Variants in CDH4 observed in about 807,000 individuals in gnomAD.
CDH4 encodes the protein cadherin 4, also known as cadherin-4.
CDH4 carries 33 observed loss-of-function variants against 86.0 expected under a neutral mutation model. That is an observed-to-expected ratio of 0.38 (90% CI 0.29 to 0.51). The LOEUF (loss-of-function observed/expected upper bound fraction) is 0.51, where lower values mean the gene tolerates loss of function less well. Among genes scored for constraint, CDH4 ranks in the 20% least tolerant of loss-of-function variants. The probability of loss-of-function intolerance (pLI) is 0.86; values close to 1 mark genes in which losing one functional copy is unlikely to be tolerated. For synonymous variants in CDH4, 555 were observed against 549.4 expected (o/e 1.01, Z -0.14); for missense variants, 1,114 against 1,307.4 (o/e 0.85, Z 2.28).
chr20:61,788,327 C>A (rs900924023), intron 4 of CDH4, among the ~76,000 whole-genome samples: 1 of 152,072 alleles, frequency 6.6e-6, no homozygotes, highest in South Asian at 2.1e-4. Context: ...AAGAAACAGC[C>A]CTGAGGGGCT....
At position 61,652,943 on chromosome 20, in the gene CDH4, T is replaced by A. The variant is rs1365948309; in HGVS notation, c.170-90620T>A. Among the ~76,000 whole-genome samples, 85 of 121,272 alleles carry A rather than the reference T, an allele frequency of 7.0e-4. 1 individual carries two copies. Among genetic ancestry groups the A allele is most frequent in the South Asian group, 2.4e-3 (10 of 4,128 alleles). The allele number at this position is 121,272 out of a possible 152,430, so 79.6% of individuals were successfully genotyped here. A position where few individuals can be genotyped will look rare whatever the true frequency, so the allele number is the denominator to read the frequency against. The stretch of plus-strand genomic sequence containing the variant: ...ATTTATTTATTTATTTATTTATTTT[T>A]TTTTTTTTTTTTATTGATCATTCTT... On this transcript the variant is annotated intron_variant, in intron 2 of 15. Coordinates refer to ENST00000614565, the MANE Select transcript of CDH4 (RefSeq NM_001794.5).
At chr20:61,338,076 T>C (rs6101320) in intron 2 of CDH4, among the ~76,000 whole-genome samples, 87,259 of 151,908 alleles carry the variant, frequency 0.57, 25,128 homozygotes, top group Middle Eastern at 0.69. Context: ...AATCCAGTAA[T>C]AAGGAGAGAT....
chr20:61,685,512 C>G (rs917037843), intron 2 of CDH4, among the ~76,000 whole-genome samples: 1 of 152,256 alleles, frequency 6.6e-6, no homozygotes, highest in Non-Finnish European at 1.5e-5. Flanking sequence ...TCCCGTCTCT[C>G]CCCTCTGGAT....
At chr20:61,522,420 C>T (rs2085876509) in intron 2 of CDH4, among the ~76,000 whole-genome samples, 1 of 152,240 alleles carries the variant, frequency 6.6e-6, no homozygotes, top group South Asian at 2.1e-4. Flanking sequence ...GTGTGAGGTG[C>T]TGCGCCGTCC....
intron 2 of CDH4, among the ~76,000 whole-genome samples, chr20:61,580,312 A>T (rs1179696339): frequency 2.0e-5 from 3 of 152,012 alleles, no homozygotes; most frequent in Non-Finnish European, 4.4e-5. Flanking sequence ...AAAATTAGCC[A>T]GGCGTGGTGG....
chr20:61,918,327 C>T (rs2054928368), intron 9 of CDH4, among the ~76,000 whole-genome samples: 1 of 152,218 alleles, frequency 6.6e-6, no homozygotes. Flanking sequence ...GTGACAGCTG[C>T]AGGTGTGAGG....
intron 2 of CDH4, among the ~76,000 whole-genome samples, chr20:61,425,661 G>A (rs979666444): frequency 6.6e-6 from 1 of 152,214 alleles, no homozygotes; most frequent in African/African-American, 2.4e-5. Context: ...GCGCAGCCTG[G>A]ACAGGACATT....
At chr20:61,732,871 T>G (rs13038272) in intron 2 of CDH4, among the ~76,000 whole-genome samples, 60,040 of 151,796 alleles carry the variant, frequency 0.4, 11,989 homozygotes, top group Non-Finnish European at 0.42. Flanking sequence ...ATGTCTCAGG[T>G]AGTCTTGTTC....
chr20:61,572,273 A>T (rs1342330789), intron 2 of CDH4, among the ~76,000 whole-genome samples: 1 of 152,232 alleles, frequency 6.6e-6, no homozygotes, highest in Non-Finnish European at 1.5e-5. Flanking sequence ...CTAATCATAG[A>T]TAGATAATAC....
At chr20:61,779,069 C>T (rs926850837) in intron 4 of CDH4, among the ~76,000 whole-genome samples, 8 of 152,206 alleles carry the variant, frequency 5.3e-5, no homozygotes, top group Admixed American at 1.3e-4. Context: ...GGTTTTAAAA[C>T]GCCACTTGCT....
At chr20:61,491,980 TTGTTGATGTTGGTGG>T (rs921676616) in intron 2 of CDH4, among the ~76,000 whole-genome samples, 5 of 151,632 alleles carry the variant, frequency 3.3e-5, no homozygotes, top group African/African-American at 4.8e-5. Context: ...GGTGTCAGTA[TTGTTGATGTTGGTGG>T]TGTTGATGTT....
Position 61,784,524 on chromosome 20 carries a change from G to A in CDH4, c.576+11342G>A, listed in dbSNP as rs79831216. Among the ~76,000 whole-genome samples the A allele has an allele frequency of 1.1e-3, 113 of 99,142 alleles. No homozygotes were observed. The South Asian group carries it at 0.013, about 12-fold the overall frequency. The allele number at this position is 99,142 out of a possible 152,430, so 65.0% of individuals were successfully genotyped here. On this transcript the variant is annotated intron_variant, in intron 4 of 15. Transcript: ENST00000614565. ...GGAGAATGTAAGCCCAGTTCCTCGG[G>A]ACAGTTCTCGAGGCCCTCAGGTGTC...
intron 2 of CDH4, among the ~76,000 whole-genome samples, chr20:61,386,231 G>A (rs2084950118): frequency 6.6e-6 from 1 of 152,146 alleles, no homozygotes; most frequent in Non-Finnish European, 1.5e-5. Context: ...AGCCACAGTC[G>A]TGCTGTGCCT....
intron 4 of CDH4, among the ~76,000 whole-genome samples, chr20:61,791,302 G>A (rs1215499401): frequency 6.6e-6 from 1 of 152,266 alleles, no homozygotes; most frequent in Non-Finnish European, 1.5e-5. Context: ...GCCTAGCCCT[G>A]AGGAAGATTT....
chr20:61,550,590 G>T (rs2086122464), intron 2 of CDH4, among the ~76,000 whole-genome samples: 1 of 152,062 alleles, frequency 6.6e-6, no homozygotes, highest in South Asian at 2.1e-4. Context: ...CCTTCTCACG[G>T]GGATGACCTC....
chr20:61,890,201 G>A (rs1305796071), intron 7 of CDH4, among the ~76,000 whole-genome samples: 1 of 150,408 alleles, frequency 6.6e-6, no homozygotes, highest in Admixed American at 6.6e-5. Flanking sequence ...GATGATGGAT[G>A]GATAGATGGA....
intron 2 of CDH4, among the ~76,000 whole-genome samples, chr20:61,301,512 G>A (rs1349833758): frequency 1.3e-5 from 2 of 152,172 alleles, no homozygotes; most frequent in Non-Finnish European, 2.9e-5. Context: ...TTGGTCATAT[G>A]ACCTCCAGAG....
intron 4 of CDH4, among the ~76,000 whole-genome samples, chr20:61,773,579 G>A (rs1183574446): frequency 1.3e-5 from 2 of 152,184 alleles, no homozygotes; most frequent in Admixed American, 1.3e-4. Flanking sequence ...CGAGGCCAGC[G>A]TGCGCCGTGC....
At chr20:61,292,806 A>G (rs548332513) in intron 2 of CDH4, among the ~76,000 whole-genome samples, 1 of 152,138 alleles carries the variant, frequency 6.6e-6, no homozygotes, top group Non-Finnish European at 1.5e-5. Context: ...TTGTTTTTGT[A>G]GCAACCTCTG....
Sources: gnomAD v4.1 joint callset for allele counts (sites outside exome capture counted in the v4.1 genomes callset) on GRCh38, gnomAD v4.1.1 for gene constraint, MANE v1.5 for transcripts, NCBI Gene and HGNC (gene_info 2026-07-23, HGNC 2026-07-21) for gene names.